CCDC33: variants seen among roughly 807,000 people sequenced by gnomAD.
CCDC33 encodes coiled-coil domain containing 33.
A neutral mutation model predicts 91.9 loss-of-function variants in CCDC33; 94 were observed. That is an observed-to-expected ratio of 1.02 (90% confidence interval 0.87 to 1.21). CCDC33 has a LOEUF of 1.21. Ranked by LOEUF, CCDC33 falls within the 50% of genes most tolerant of loss-of-function variation. The pLI is 0.00. For missense variants in CCDC33, 940 were observed against 935.5 expected (o/e 1.00, Z -0.06); for synonymous variants, 396 against 374.5 (o/e 1.06, Z -0.66).
intron 11 of CCDC33, among the ~76,000 whole-genome samples, chr15:74,329,495 T>TA (rs1032506079): frequency 2.6e-5 from 4 of 152,170 alleles, no homozygotes; most frequent in African/African-American, 9.7e-5. Context: ...GGAGGGCACA[T>TA]AAAAAGCTTA....
intron 5 of CCDC33, 28 bp downstream of exon 5, chr15:74,268,486 GT>G: frequency 2.1e-6 from 3 of 1,452,184 alleles, no homozygotes; most frequent in African/African-American, 1.5e-5. Flanking sequence ...CTCTGGGGTG[GT>G]GGTGGGGGTG....
At position 74,331,058 on chromosome 15, in the gene CCDC33, G is replaced by T. The variant is rs773593638; in HGVS notation, c.1623G>T (p.Gln541His). The T allele has an allele frequency of 5.6e-6, 9 of 1,613,562 alleles. No homozygotes were observed. The East Asian group carries it at 2.0e-4, about 36-fold the overall frequency. ...AGGCCGCTCTGCTGAAGCAGTACCAGGGCAAGCTGCAGAAGATGAAGGCGC... is the reference window on the plus strand; with the variant it reads ...AGGCCGCTCTGCTGAAGCAGTACCATGGCAAGCTGCAGAAGATGAAGGCGC... ...QPQAALLKQY[Q>H]GKLQKMKALE... The change falls in exon 14 of 19, where the codon CAG becomes CAT. Residue 541 changes from glutamine (Q) to histidine (H), a missense_variant. Gln to His is a conservative substitution (Grantham distance 24). Transcript: ENST00000398814.
At chr15:74,208,150 C>T in intron 1 of CCDC33, 1 of 824,304 alleles carries the variant, frequency 1.2e-6, no homozygotes, top group South Asian at 2.9e-5. Context: ...TGTTCTTTCC[C>T]TCCCAGAGGG....
chr15:74,228,211 G>T (rs984005186), intron 2 of CCDC33, among the ~76,000 whole-genome samples: 7 of 152,172 alleles, frequency 4.6e-5, no homozygotes, highest in African/African-American at 1.7e-4. Context: ...GTAGAGGGGT[G>T]GAAAGTATTT....
chr15:74,231,281 C>T (rs1158202067), intron 2 of CCDC33, among the ~76,000 whole-genome samples: 2 of 152,212 alleles, frequency 1.3e-5, no homozygotes, highest in Non-Finnish European at 2.9e-5. Context: ...GTTATGACCC[C>T]ACCAGCCCTC....
chr15:74,209,107 T>TTGATTCC, intron 1 of CCDC33: 1 of 1,313,332 alleles, frequency 7.6e-7, no homozygotes, highest in Middle Eastern at 2.8e-4. Flanking sequence ...CCTCCCGCCC[T>TTGATTCC]TGATTCCGGG....
At chr15:74,328,691 T>C (rs1224831832) in intron 11 of CCDC33, among the ~76,000 whole-genome samples, 1 of 152,118 alleles carries the variant, frequency 6.6e-6, no homozygotes, top group African/African-American at 2.4e-5. Context: ...ACAAGTGGTG[T>C]CTGGTGGGCC....
chr15:74,248,514 G>T (rs147740003), intron 2 of CCDC33, among the ~76,000 whole-genome samples: 2 of 152,116 alleles, frequency 1.3e-5, no homozygotes, highest in African/African-American at 2.4e-5. Flanking sequence ...CTTCTCTCTG[G>T]GTTTGTTGCA....
chr15:74,324,911 C>T (rs1220720406), intron 11 of CCDC33, among the ~76,000 whole-genome samples: 6 of 149,144 alleles, frequency 4.0e-5, no homozygotes. Context: ...CCACTCCAGG[C>T]ATGCACCTCT....
At chr15:74,314,052 C>A (rs577694578) in intron 11 of CCDC33, among the ~76,000 whole-genome samples, 122 of 152,364 alleles carry the variant, frequency 8.0e-4, no homozygotes, top group Non-Finnish European at 1.4e-3. Flanking sequence ...TGTGCTAGGA[C>A]TGTGTCTCCT....
At chr15:74,211,127 T>TC (rs36139986) in intron 2 of CCDC33, among the ~76,000 whole-genome samples, 2 of 145,064 alleles carry the variant, frequency 1.4e-5, no homozygotes, top group Non-Finnish European at 3.0e-5. Context: ...TGCCAGAGAT[T>TC]CCCCCCCACC....
chr15:74,239,521 C>T (rs1386548300), intron 1 of CCDC33, among the ~76,000 whole-genome samples: 1 of 152,202 alleles, frequency 6.6e-6, no homozygotes, highest in Non-Finnish European at 1.5e-5. Context: ...TTAGCAGCTT[C>T]CAATCTTGCC....
intron 9 of CCDC33, 75 bp from the exon 10 acceptor site, chr15:74,281,703 T>C (rs922967187): frequency 1.5e-6 from 2 of 1,326,988 alleles, no homozygotes; most frequent in Admixed American, 1.7e-5. Flanking sequence ...TCCAGAGAAA[T>C]CTAGAACAGT....
At chr15:74,220,694 T>A (rs1213854175) in intron 2 of CCDC33, among the ~76,000 whole-genome samples, 1 of 152,186 alleles carries the variant, frequency 6.6e-6, no homozygotes, top group Admixed American at 6.5e-5. Flanking sequence ...TGCTCCCTCT[T>A]AAAGTGTCAG....
intron 11 of CCDC33, among the ~76,000 whole-genome samples, chr15:74,308,089 TC>T (rs1488651419): frequency 2.0e-5 from 3 of 151,446 alleles, no homozygotes; most frequent in Non-Finnish European, 4.4e-5. Flanking sequence ...GGTGGGCACG[TC>T]CCCCTTGGGA....
At chr15:74,298,382 A>G (rs1234549965) in intron 11 of CCDC33, among the ~76,000 whole-genome samples, 2 of 152,220 alleles carry the variant, frequency 1.3e-5, no homozygotes, top group Non-Finnish European at 2.9e-5. Context: ...GGTAGGCAAT[A>G]TAAACAATGT....
rs778849609 is a variant in CCDC33 at position 74,266,778 on chromosome 15, G to A, written c.420G>A (p.Glu140=). The part of the protein sequence containing the change: ...YLRVFHPYHF[E]LVKPTESGKA... The stretch of plus-strand genomic sequence containing the variant: ...GTGTCTTCCACCCCTACCACTTTGA[G>A]CTGGTGAAGGTGAGTCAGAGGCCTG... Residue 140 remains glutamate, a synonymous_variant, in exon 4 of 19, where the codon GAG becomes GAA. Coordinates refer to ENST00000398814, the MANE Select transcript of CCDC33 (RefSeq NM_025055.5). 1 of 1,613,188 alleles carries A rather than the reference G, an allele frequency of 6.2e-7. No individual in the cohort carries two copies. The highest frequency in any genetic ancestry group is 1.7e-5 in the Admixed American group (1 of 60,020).
At chr15:74,262,405 C>T in intron 2 of CCDC33, 35 bp from the exon 3 acceptor site, 1 of 1,612,170 alleles carries the variant, frequency 6.2e-7, no homozygotes. Flanking sequence ...GACAGAACCC[C>T]TCCCTTTGAC....
At chr15:74,317,286 G>A (rs1207980015) in intron 11 of CCDC33, among the ~76,000 whole-genome samples, 5 of 152,164 alleles carry the variant, frequency 3.3e-5, no homozygotes, top group East Asian at 1.9e-4. Context: ...GCATGAACCC[G>A]GGAGGCGGAG....
Sources: gnomAD v4.1 joint callset for allele counts (sites outside exome capture counted in the v4.1 genomes callset) on GRCh38, gnomAD v4.1.1 for gene constraint, MANE v1.5 for transcripts, NCBI Gene and HGNC (gene_info 2026-07-23, HGNC 2026-07-21) for gene names.